RERE: variants seen among roughly 807,000 people sequenced by gnomAD.
RERE encodes arginine-glutamic acid dipeptide repeats protein.
RERE carries 40 observed loss-of-function variants against 146.1 expected under a neutral mutation model. The ratio of observed to expected loss-of-function variants is 0.27; its 90% confidence interval spans 0.21 to 0.36. The LOEUF is 0.36. Among genes scored for constraint, RERE ranks in the 10% least tolerant of loss-of-function variants. The pLI is 1.00. For synonymous variants in RERE, 1,003 were observed against 866.0 expected (o/e 1.16, Z -2.78); for missense variants, 1,933 against 2,138.7 (o/e 0.90, Z 1.90).
rs149072335 is a variant in RERE at position 8,695,553 on chromosome 1, C to T, written c.-144-39112G>A. 3.3e-3 allele frequency among the ~76,000 whole-genome samples: 418 copies of T among 127,862 alleles called. 4 individuals are homozygous for T. Among genetic ancestry groups the T allele is most frequent in the Middle Eastern group, 0.017 (3 of 176 alleles). The allele number at this position is 127,862 out of a possible 152,430, so 83.9% of individuals were successfully genotyped here. On this transcript the variant is annotated intron_variant, in intron 1 of 22. Coordinates refer to ENST00000400908, the MANE Select transcript of RERE (RefSeq NM_001042681.2). ...TCACCTGAGGTCAGCAGTTTGAGAT[C>T]TGCCTGAACAACATGGTGAAGCTCC... is the stretch of plus-strand genomic sequence containing the variant.
intron 4 of RERE, among the ~76,000 whole-genome samples, chr1:8,580,242 C>T (rs1227136424): frequency 6.6e-6 from 1 of 152,142 alleles, no homozygotes; most frequent in African/African-American, 2.4e-5. Context: ...TATAAGCTAT[C>T]ATTAAACAAC....
intron 7 of RERE, among the ~76,000 whole-genome samples, chr1:8,514,975 T>A (rs1408703617): frequency 1.3e-5 from 2 of 152,192 alleles, no homozygotes; most frequent in Non-Finnish European, 1.5e-5. Context: ...TACAGTATTA[T>A]CTCATTTCTA....
chr1:8,632,763 G>C (rs939522031), intron 2 of RERE, among the ~76,000 whole-genome samples: 33 of 152,128 alleles, frequency 2.2e-4, no homozygotes, highest in Admixed American at 2.0e-3. Context: ...TCCTTGTTAA[G>C]ACTAATGTAC....
At chr1:8,420,811 A>C (rs749133141) in intron 12 of RERE, among the ~76,000 whole-genome samples, 2 of 152,206 alleles carry the variant, frequency 1.3e-5, no homozygotes, top group African/African-American at 2.4e-5. Flanking sequence ...AGGTCTCAGC[A>C]AAGAGGCTAG....
At chr1:8,593,577 A>G (rs2124109567) in intron 4 of RERE, among the ~76,000 whole-genome samples, 1 of 152,332 alleles carries the variant, frequency 6.6e-6, no homozygotes, top group Middle Eastern at 3.4e-3. Flanking sequence ...TTTCCTTTAT[A>G]AATGACCCAG....
At chr1:8,579,801 C>T (rs181858890) in intron 4 of RERE, among the ~76,000 whole-genome samples, 6 of 152,310 alleles carry the variant, frequency 3.9e-5, no homozygotes, top group African/African-American at 1.2e-4. Context: ...GTCAGGAGTT[C>T]GAGACCGGCC....
At chr1:8,506,767 CAA>C (rs1557664087) in intron 8 of RERE, among the ~76,000 whole-genome samples, 1 of 152,196 alleles carries the variant, frequency 6.6e-6, no homozygotes, top group Non-Finnish European at 1.5e-5. Context: ...AAAAGAAGTC[CAA>C]TTCTTTCTTC....
At chr1:8,530,688 T>TC (rs1189822996) in intron 7 of RERE, among the ~76,000 whole-genome samples, 12 of 139,600 alleles carry the variant, frequency 8.6e-5, no homozygotes, top group East Asian at 4.0e-4. Flanking sequence ...TCTTTTTTTT[T>TC]TTTTTTTTTT....
intron 11 of RERE, chr1:8,424,737 A>T (rs1303211765): frequency 6.6e-6 from 1 of 152,446 alleles, no homozygotes; most frequent in African/African-American, 2.4e-5. Flanking sequence ...CAAGAAAAGC[A>T]GCAGAGGAAC....
At chr1:8,520,766 A>AAAAAAC (rs1645485738) in intron 7 of RERE, among the ~76,000 whole-genome samples, 1 of 150,298 alleles carries the variant, frequency 6.7e-6, no homozygotes, top group African/African-American at 2.4e-5. Flanking sequence ...AAAAAAAAAA[A>AAAAAAC]AAAAAAAAAA....
intron 7 of RERE, among the ~76,000 whole-genome samples, chr1:8,535,229 A>C (rs1645709638): frequency 6.6e-6 from 1 of 152,276 alleles, no homozygotes; most frequent in Non-Finnish European, 1.5e-5. Context: ...TCATGAAGCC[A>C]AGAAGCAACT....
Position 8,624,413 on chromosome 1 carries a change from C to T in RERE, c.326-33G>A. The T allele has an allele frequency of 2.1e-6, 3 of 1,444,502 alleles. No homozygotes were observed. The South Asian group carries it at 3.4e-5, about 17-fold the overall frequency. The allele number at this position is 1,444,502 out of a possible 1,614,324, so 89.5% of individuals were successfully genotyped here. ...AGAAAAAGAAATTTTAAAACAATGG[C>T]ATTTACCTTTAAGGAACAAAGACAG... On this transcript the variant is annotated intron_variant, in intron 2 of 22. Coordinates refer to ENST00000400908, the MANE Select transcript of RERE (RefSeq NM_001042681.2).
chr1:8,671,436 C>T (rs1013224477), intron 1 of RERE, among the ~76,000 whole-genome samples: 2 of 152,172 alleles, frequency 1.3e-5, no homozygotes, highest in Admixed American at 1.3e-4. Context: ...AAATCCAAAC[C>T]GCTGAAGTCC....
chr1:8,676,833 G>A (rs943831078), intron 1 of RERE, among the ~76,000 whole-genome samples: 4 of 152,132 alleles, frequency 2.6e-5, no homozygotes, highest in East Asian at 1.9e-4. Context: ...CATTCAAAGC[G>A]CCCTCATTTG....
At chr1:8,812,299 A>T (rs1341121107) in intron 1 of RERE, among the ~76,000 whole-genome samples, 1 of 152,130 alleles carries the variant, frequency 6.6e-6, no homozygotes, top group African/African-American at 2.4e-5. Flanking sequence ...TATAAGGAAA[A>T]TTTTCACAGT....
At chr1:8,447,516 C>T (rs35835152) in intron 11 of RERE, among the ~76,000 whole-genome samples, 19,487 of 152,126 alleles carry the variant, frequency 0.13, 1,790 homozygotes, top group Non-Finnish European at 0.19. Context: ...GATGGTATTC[C>T]TTTCTGTTTA....
rs115882643 is a variant in RERE at position 8,800,384 on chromosome 1, A to G, written c.-145+16776T>C. On this transcript the variant is annotated intron_variant, in intron 1 of 22. Coordinates refer to ENST00000400908, the MANE Select transcript of RERE (RefSeq NM_001042681.2). Reference sequence around the variant, plus strand: ...ATTATTTAAATGTGTTTTAAAAATAAATGACACTCAGAACGAAGTATTCCA... The same window carrying G: ...ATTATTTAAATGTGTTTTAAAAATAGATGACACTCAGAACGAAGTATTCCA... 2.5e-3 allele frequency among the ~76,000 whole-genome samples: 388 copies of G among 152,350 alleles called. 3 individuals are homozygous for G. The highest frequency in any genetic ancestry group is 8.8e-3 in the African/African-American group (368 of 41,584).
intron 3 of RERE, among the ~76,000 whole-genome samples, chr1:8,620,876 C>T (rs1372593985): frequency 1.3e-5 from 2 of 151,668 alleles, no homozygotes; most frequent in African/African-American, 4.8e-5. Flanking sequence ...TGTAAATAAG[C>T]CCAATCAAAT....
intron 11 of RERE, among the ~76,000 whole-genome samples, chr1:8,457,630 T>A (rs1644468390): frequency 6.6e-6 from 1 of 152,026 alleles, no homozygotes; most frequent in East Asian, 1.9e-4. Context: ...TGAGACAGAG[T>A]CTTGCTCTGT....
Sources: allele counts gnomAD v4.1 joint callset (sites outside exome capture counted in the v4.1 genomes callset), GRCh38; gene constraint gnomAD v4.1.1; transcripts MANE v1.5; gene names NCBI Gene and HGNC (gene_info 2026-07-23, HGNC 2026-07-21).